NUCKS1: variants seen among roughly 807,000 people sequenced by gnomAD.
NUCKS1 encodes the protein nuclear casein kinase and cyclin dependent kinase substrate 1.
In NUCKS1, 2 loss-of-function variants were observed where a neutral mutation model predicts 33.0. The ratio of observed to expected loss-of-function variants is 0.06; its 90% CI spans 0.02 to 0.19. The LOEUF (loss-of-function observed/expected upper bound fraction) is 0.19. Ranked by LOEUF, NUCKS1 falls within the 10% of genes least tolerant of loss-of-function variation. NUCKS1 has a pLI of 1.00. For missense variants in NUCKS1, 201 were observed against 293.6 expected, an observed-to-expected ratio of 0.68 and a Z score of 2.31; for synonymous variants, 106 against 102.8, an observed-to-expected ratio of 1.03 and a Z score of -0.19.
intron 1 of NUCKS1, among the ~76,000 whole-genome samples, chr1:205,747,500 T>C (rs1654360939): frequency 6.6e-6 from 1 of 152,194 alleles, no homozygotes; most frequent in South Asian, 2.1e-4. Flanking sequence ...CATACCACCC[T>C]TCATTTGGAA....
intron 1 of NUCKS1, among the ~76,000 whole-genome samples, chr1:205,739,105 C>T (rs367869330): frequency 2.6e-5 from 4 of 152,298 alleles, no homozygotes; most frequent in African/African-American, 9.6e-5. Context: ...AATTCTCACC[C>T]TAATGTCACA....
In NUCKS1 at chr1:205,717,824, A is replaced by G. The variant is rs543098606; in HGVS notation, c.*456T>C. 14 of 985,720 alleles carry G rather than the reference A, an allele frequency of 1.4e-5. No individual in the cohort carries two copies. The highest frequency in any genetic ancestry group is 1.2e-4 in the African/African-American group (7 of 57,328). The allele number at this position is 985,720 out of a possible 1,614,324, so 61.1% of individuals were successfully genotyped here. On this transcript the variant is annotated 3_prime_UTR_variant, in exon 7 of 7. Coordinates refer to ENST00000367142, the MANE Select transcript of NUCKS1 (RefSeq NM_022731.5). ...AAAAGTCCAGGTAGAGAAAGGAGCA[A>G]TCATTTTGAACTAAAATCTTTCTAT... is the stretch of plus-strand genomic sequence containing the variant.
chr1:205,746,640 G>C (rs1160805101), intron 1 of NUCKS1, among the ~76,000 whole-genome samples: 1 of 152,046 alleles, frequency 6.6e-6, no homozygotes, highest in African/African-American at 2.4e-5. Flanking sequence ...AATTGTTTTG[G>C]GGGAGAGAAT....
intron 2 of NUCKS1, 109 bp downstream of exon 2, chr1:205,729,463 T>C (rs1196838843): frequency 3.7e-6 from 3 of 816,474 alleles, no homozygotes; most frequent in Non-Finnish European, 6.3e-6. Context: ...TGGTAAATGA[T>C]CTAAAAATAA....
At chr1:205,739,482 T>C (rs1382116977) in intron 1 of NUCKS1, among the ~76,000 whole-genome samples, 1 of 152,178 alleles carries the variant, frequency 6.6e-6, no homozygotes, top group Non-Finnish European at 1.5e-5. Context: ...TTTTTTTTTT[T>C]CTTTTTTTGA....
intron 1 of NUCKS1, among the ~76,000 whole-genome samples, chr1:205,746,443 T>TCACA (rs759670793): frequency 0.043 from 2,992 of 70,010 alleles, 45 homozygotes; most frequent in Non-Finnish European, 0.064. Flanking sequence ...CACTTCTCTC[T>TCACA]CTCTCTCTCT....
chr1:205,740,452 T>C (rs1488091775), intron 1 of NUCKS1, among the ~76,000 whole-genome samples: 1 of 151,840 alleles, frequency 6.6e-6, no homozygotes, highest in East Asian at 2.0e-4. Context: ...ATAACCTGTC[T>C]CTTCTAAAAA....
chr1:205,735,663 TAAC>T (rs1407426039), intron 1 of NUCKS1, among the ~76,000 whole-genome samples: 1 of 152,210 alleles, frequency 6.6e-6, no homozygotes, highest in East Asian at 1.9e-4. Flanking sequence ...AAAACAGGAA[TAAC>T]AATACCTGTT....
intron 1 of NUCKS1, among the ~76,000 whole-genome samples, chr1:205,734,074 T>C (rs1331584406): frequency 3.9e-5 from 6 of 151,936 alleles, no homozygotes; most frequent in Admixed American, 6.6e-5. Context: ...AGACGGGGCC[T>C]TTCTATGTTT....
chr1:205,722,182 TCTC>T (rs1458155600), intron 4 of NUCKS1, among the ~76,000 whole-genome samples: 2 of 152,056 alleles, frequency 1.3e-5, no homozygotes, highest in Non-Finnish European at 2.9e-5. Context: ...TTCAAGCTAT[TCTC>T]CTGTCTCATC....
chr1:205,719,807 T>C, intron 5 of NUCKS1, 131 bp from the exon 6 acceptor site: 2 of 943,768 alleles, frequency 2.1e-6, no homozygotes, highest in Non-Finnish European at 3.1e-6. Context: ...TATTTGGAGC[T>C]GTACTACCAA....
At chr1:205,739,473 T>G (rs1169035616) in intron 1 of NUCKS1, among the ~76,000 whole-genome samples, 1 of 151,074 alleles carries the variant, frequency 6.6e-6, no homozygotes, top group East Asian at 1.9e-4. Flanking sequence ...CAACTCAAAT[T>G]TTTTTTTTTC....
intron 1 of NUCKS1, among the ~76,000 whole-genome samples, chr1:205,737,349 T>TA (rs1455990059): frequency 1.3e-5 from 2 of 152,206 alleles, no homozygotes; most frequent in South Asian, 4.1e-4. Context: ...CATTTCAGCA[T>TA]ATTATTTATC....
chr1:205,749,886 G>A (rs1186901480), intron 1 of NUCKS1, 71 bp downstream of exon 1: 9 of 1,497,906 alleles, frequency 6.0e-6, no homozygotes, highest in Non-Finnish European at 8.3e-6. Context: ...CTAGCCTTCT[G>A]TCCCCCACTC....
In NUCKS1 at chr1:205,715,109, A is replaced by G. The variant is rs1297831625; in HGVS notation, c.*3171T>C. ...AAAAAGCCATTAAAAAAAAGAGTCA[A>G]GTTTAGTCTAGCTGACCATATTCAC... On this transcript the variant is annotated 3_prime_UTR_variant, in exon 7 of 7. Transcript: ENST00000367142. The G allele has an allele frequency of 1.3e-5, 2 of 152,196 alleles. No homozygotes were observed. Among genetic ancestry groups the G allele is most frequent in the African/African-American group, 4.8e-5 (2 of 41,446 alleles). 9.4% of individuals were successfully genotyped at this position (152,196 alleles called of 1,614,324 possible).
At chr1:205,745,276 A>T (rs958376622) in intron 1 of NUCKS1, among the ~76,000 whole-genome samples, 7 of 152,064 alleles carry the variant, frequency 4.6e-5, no homozygotes, top group Admixed American at 3.3e-4. Context: ...TTATTTTTTT[A>T]ATTTAGTACT....
intron 2 of NUCKS1, among the ~76,000 whole-genome samples, chr1:205,728,767 C>G (rs1449480478): frequency 6.6e-6 from 1 of 152,142 alleles, no homozygotes; most frequent in Admixed American, 6.5e-5. Context: ...CCTCTTATGG[C>G]TAAGACTTAG....
intron 1 of NUCKS1, among the ~76,000 whole-genome samples, chr1:205,749,464 G>A (rs1474167760): frequency 1.1e-4 from 16 of 152,034 alleles, no homozygotes; most frequent in Admixed American, 1.0e-3. Flanking sequence ...ACCCCCGTCC[G>A]CTACAGAGAG....
chr1:205,746,436 T>TTCTC (rs10539047), intron 1 of NUCKS1, among the ~76,000 whole-genome samples: 2 of 146,260 alleles, frequency 1.4e-5, no homozygotes, highest in African/African-American at 5.1e-5. Flanking sequence ...ATAAACTCAC[T>TTCTC]TCTCTCTCTC....
Sources: gnomAD v4.1 joint callset for allele counts (sites outside exome capture counted in the v4.1 genomes callset) on GRCh38, gnomAD v4.1.1 for gene constraint, MANE v1.5 for transcripts, NCBI Gene and HGNC (gene_info 2026-07-23, HGNC 2026-07-21) for gene names.